Variants in GRTP1 observed in about 807,000 individuals in gnomAD.
The protein encoded by GRTP1 is growth hormone-regulated TBC protein 1.
A neutral mutation model predicts 38.1 loss-of-function variants in GRTP1; 56 were observed. That is an observed-to-expected ratio of 1.47 (90% confidence interval 1.19 to 1.84). The LOEUF is 1.84. GRTP1 is among the 40% of genes most tolerant of loss of function. The probability of loss-of-function intolerance (pLI) is 0.00; values close to 1 mark genes in which losing one functional copy is unlikely to be tolerated. For missense variants in GRTP1, 506 were observed against 453.9 expected (o/e 1.11, Z -1.04); for synonymous variants, 217 against 189.5 (o/e 1.14, Z -1.19).
chr13:113,356,508 C>A (rs1380937583), intron 2 of GRTP1, among the ~76,000 whole-genome samples: 1 of 152,080 alleles, frequency 6.6e-6, no homozygotes, highest in Admixed American at 6.6e-5. Flanking sequence ...CCTCATGATC[C>A]GCCCACCTCG....
At chr13:113,363,940 C>A in intron 1 of GRTP1, 30 bp from the exon 2 acceptor site, 1 of 1,604,728 alleles carries the variant, frequency 6.2e-7, no homozygotes, top group Non-Finnish European at 8.5e-7. Context: ...AGGCCGGCGT[C>A]CCCGAAGTTT....
At chr13:113,347,877 TCTGAAGCCGAGAGCA>T (rs2043192383) in intron 4 of GRTP1, among the ~76,000 whole-genome samples, 1 of 146,152 alleles carries the variant, frequency 6.8e-6, no homozygotes, top group African/African-American at 2.6e-5. Context: ...CGGGAGGACC[TCTGAAGCCGAGAGCA>T]GACCCGGGAG....
chr13:113,325,810 CTTCG>C lies in GRTP1; in HGVS notation c.768_771del (p.Asn256LysfsTer11). On this transcript the variant is annotated frameshift_variant, in exon 7 of 8. Coordinates refer to ENST00000375431, the MANE Select transcript of GRTP1 (RefSeq NM_024719.4). LOFTEE classifies it high-confidence loss of function. Reference sequence around the variant, plus strand: ...GCCACCCGGAAGATAATCTTCGAGCCTTCGTTAAACAAACAGTCCCAGATCCGAA... The same window carrying C: ...GCCACCCGGAAGATAATCTTCGAGCCTTAAACAAACAGTCCCAGATCCGAA... 6.2e-7 allele frequency: 1 copy of C among 1,614,142 alleles called. No individual in the cohort carries two copies. The highest frequency in any genetic ancestry group is 8.5e-7 in the Non-Finnish European group (1 of 1,180,002).
chr13:113,346,065 CCTCTGCGGCTGAGCAGACCTGGGAAGACA>C (rs1380798720), intron 4 of GRTP1, among the ~76,000 whole-genome samples: 3 of 75,426 alleles, frequency 4.0e-5, no homozygotes, highest in African/African-American at 1.8e-4. Context: ...CCCGGGAGGA[CCTCTGCGGCTGAGCAGACCTGGGAAGACA>C]TCTGTGGCCG....
intron 4 of GRTP1, among the ~76,000 whole-genome samples, chr13:113,345,480 C>G (rs185429835): frequency 3.3e-5 from 5 of 152,250 alleles, no homozygotes; most frequent in South Asian, 2.1e-4. Context: ...CCCTCTCCAT[C>G]GAGGGCAGCC....
intron 3 of GRTP1, among the ~76,000 whole-genome samples, chr13:113,353,368 TGATA>T (rs2043320953): frequency 6.6e-6 from 1 of 152,230 alleles, no homozygotes; most frequent in South Asian, 2.1e-4. Flanking sequence ...AGGGGTCCAC[TGATA>T]GATGGATAAA....
At chr13:113,324,728 A>T in intron 7 of GRTP1, 151 bp from the exon 8 acceptor site, 1 of 1,420,622 alleles carries the variant, frequency 7.0e-7, no homozygotes, top group Non-Finnish European at 9.2e-7. Context: ...ACAGATTGTC[A>T]CCATCTCACT....
chr13:113,332,803 G>A (rs1289624348), intron 5 of GRTP1, among the ~76,000 whole-genome samples: 1 of 152,192 alleles, frequency 6.6e-6, no homozygotes, highest in Non-Finnish European at 1.5e-5. Context: ...CTGCAGACTC[G>A]AGGAAGCCGT....
At chr13:113,344,295 C>A (rs1157733783) in intron 5 of GRTP1, among the ~76,000 whole-genome samples, 1 of 152,222 alleles carries the variant, frequency 6.6e-6, no homozygotes, top group Non-Finnish European at 1.5e-5. Flanking sequence ...CAGCTGCCCA[C>A]AAGGGCTAAG....
rs367846498 is a variant in GRTP1, at chr13:113,327,516, A to G, written c.563-1425T>C. On this transcript the variant is annotated intron_variant, in intron 5 of 7. Transcript: ENST00000375431. ...TCAATATCTTGGTTAAAATAGAACC[A>G]TCACAAACACTGACGCAACATCACG... Among the ~76,000 whole-genome samples the G allele has an allele frequency of 4.6e-5, 7 of 152,378 alleles. No homozygotes were observed. The East Asian group carries it at 1.3e-3, about 29-fold the overall frequency.
chr13:113,346,101 G>GCTGACAGTGGAC (rs2043111465), intron 4 of GRTP1, among the ~76,000 whole-genome samples: 10 of 66,870 alleles, frequency 1.5e-4, no homozygotes, highest in African/African-American at 6.5e-4. Flanking sequence ...GACATCTGTG[G>GCTGACAGTGGAC]CCGAGAACAG....
chr13:113,340,594 A>C (rs2043012853), intron 5 of GRTP1, among the ~76,000 whole-genome samples: 2 of 152,168 alleles, frequency 1.3e-5, no homozygotes, highest in South Asian at 4.1e-4. Flanking sequence ...AGCCTGGCCA[A>C]CATGGTGAAA....
rs1257558328 is a variant in GRTP1, at chr13:113,340,402, T to C, written c.562+4461A>G. Among the ~76,000 whole-genome samples the C allele has an allele frequency of 2.7e-5, 4 of 148,472 alleles. No homozygotes were observed. In the East Asian group the frequency reaches 8.3e-4, roughly 31 times the overall value. ...ACTGAGGTGGGAGGATCACTTGAGC[T>C]AAGGAGGTCGAGGCTGCAGTGAGCC... On this transcript the variant is annotated intron_variant, in intron 5 of 7. Transcript: ENST00000375431.
chr13:113,334,165 T>C (rs533664235), intron 5 of GRTP1, among the ~76,000 whole-genome samples: 2 of 152,122 alleles, frequency 1.3e-5, no homozygotes, highest in African/African-American at 4.8e-5. Context: ...CATGTAAAGT[T>C]TTCTCAAACA....
intron 5 of GRTP1, among the ~76,000 whole-genome samples, chr13:113,341,982 G>A (rs73565227): frequency 0.037 from 5,602 of 151,978 alleles, 231 homozygotes; most frequent in African/African-American, 0.11. Context: ...GTCTCGCTCC[G>A]TCTTCCCACA....
intron 2 of GRTP1, 77 bp downstream of exon 2, chr13:113,363,685 G>T: frequency 7.0e-7 from 1 of 1,429,700 alleles, no homozygotes; most frequent in South Asian, 1.2e-5. Context: ...TCCGCTCCGG[G>T]AGCCCGGACT....
rs2043049108 is a variant in GRTP1 at position 113,343,154 on chromosome 13, C to T, written c.562+1709G>A. 6.6e-6 allele frequency among the ~76,000 whole-genome samples: 1 copy of T among 152,214 alleles called. No homozygotes were observed. Among genetic ancestry groups the T allele is most frequent in the South Asian group, 2.1e-4 (1 of 4,834 alleles). ...CTGTGAAGATTCGCCATGATTTGCACTCAGACATAACCGAAGCAGGCTGTG... is the reference window on the plus strand; with the variant it reads ...CTGTGAAGATTCGCCATGATTTGCATTCAGACATAACCGAAGCAGGCTGTG... On this transcript the variant is annotated intron_variant, in intron 5 of 7. Transcript: ENST00000375431. This position sits in a 1 kb window ranked among gnomAD's most constrained non-coding sequence, Gnocchi z 4.8.
At chr13:113,363,944 G>A in intron 1 of GRTP1, 34 bp from the exon 2 acceptor site, 3 of 1,603,398 alleles carry the variant, frequency 1.9e-6, no homozygotes, top group African/African-American at 1.4e-5. Context: ...CGGCGTCCCC[G>A]AAGTTTCCTC....
chr13:113,357,210 C>T (rs563620500), intron 2 of GRTP1, among the ~76,000 whole-genome samples: 20 of 151,950 alleles, frequency 1.3e-4, no homozygotes, highest in African/African-American at 4.6e-4. Context: ...TTTGGGAGGC[C>T]GAGGTGGGCA....
Sources: gnomAD v4.1 joint callset for allele counts (sites outside exome capture counted in the v4.1 genomes callset) on GRCh38, gnomAD v4.1.1 for gene constraint, Gnocchi (gnomAD v3.1) non-coding constraint, MANE v1.5 for transcripts, NCBI Gene and HGNC (gene_info 2026-07-23, HGNC 2026-07-21) for gene names.